Variants in ZNF761 observed in about 807,000 individuals in gnomAD.
ZNF761 encodes zinc finger protein 761.
In ZNF761, 43 loss-of-function variants were observed where a neutral mutation model predicts 59.9. The observed-to-expected ratio is 0.72, with a 90% CI of 0.56 to 0.92. ZNF761 has a LOEUF of 0.92. ZNF761 is among the 40% of genes least tolerant of loss of function. The pLI, the probability that ZNF761 is intolerant of heterozygous loss-of-function variation, is 0.00. For missense variants in ZNF761, 850 were observed against 906.1 expected (o/e 0.94, Z 0.79); for synonymous variants, 294 against 304.8 (o/e 0.96, Z 0.37).
At chr19:53,432,688 G>C (rs994842670) in intron 1 of ZNF761, among the ~76,000 whole-genome samples, 2 of 152,146 alleles carry the variant, frequency 1.3e-5, no homozygotes, top group Non-Finnish European at 2.9e-5. Context: ...GACGGACAGA[G>C]AGCAGTGGAA....
rs2086259002 is a variant in ZNF761, at chr19:53,455,465, C to T, written c.958C>T (p.His320Tyr). The T allele has an allele frequency of 1.9e-6, 3 of 1,613,396 alleles. No homozygotes were observed. The highest frequency in any genetic ancestry group is 2.5e-6 in the Non-Finnish European group (3 of 1,179,974). Residue 320 changes from histidine (H) to tyrosine (Y), a missense_variant, in exon 5 of 5, where the codon CAT (histidine) becomes TAT (tyrosine). Transcript: ENST00000684525. ...KSILERHRII[H>Y]TEEKPYKCNE... The stretch of plus-strand genomic sequence containing the variant: ...AATACTTGAAAGACATAGGATAATT[C>T]ATACTGAAGAGAAACCATATAAGTG...
intron 3 of ZNF761, among the ~76,000 whole-genome samples, 163 bp from the exon 4 acceptor site, chr19:53,449,349 A>G (rs2086194484): frequency 6.6e-6 from 1 of 152,144 alleles, no homozygotes; most frequent in Non-Finnish European, 1.5e-5. Context: ...AAATTTTAGT[A>G]AAACACAACT....
intron 1 of ZNF761, among the ~76,000 whole-genome samples, chr19:53,438,795 G>A (rs2086068783): frequency 6.6e-6 from 1 of 152,108 alleles, no homozygotes; most frequent in Non-Finnish European, 1.5e-5. Context: ...TGGAAAATTT[G>A]GGCTTTCTTT....
chr19:53,432,995 G>C (rs865814857), intron 1 of ZNF761, among the ~76,000 whole-genome samples: 69 of 150,830 alleles, frequency 4.6e-4, no homozygotes, highest in South Asian at 1.7e-3. Flanking sequence ...AGAGGGAGAA[G>C]CACAGCAGGG....
intron 4 of ZNF761, among the ~76,000 whole-genome samples, chr19:53,453,285 G>T (rs531798579): frequency 2.0e-4 from 30 of 152,192 alleles, no homozygotes; most frequent in Middle Eastern, 3.4e-3. Context: ...TACAGACCGT[G>T]CCCGGCTGTT....
intron 1 of ZNF761, among the ~76,000 whole-genome samples, chr19:53,436,174 C>G (rs2086040035): frequency 6.6e-6 from 1 of 152,146 alleles, no homozygotes; most frequent in Admixed American, 6.5e-5. Context: ...GGCATGATTC[C>G]TGCAAATTTA....
At position 53,454,642 on chromosome 19, in the gene ZNF761, T is replaced by A. The variant is rs752478792; in HGVS notation, c.143-8T>A. 6.3e-7 allele frequency: 1 copy of A among 1,576,542 alleles called. No homozygotes were observed. The highest frequency in any genetic ancestry group is 8.6e-7 in the Non-Finnish European group (1 of 1,161,788). ...AATTTGAAAGCTTTCGGTGTTTATG[T>A]TTTGTAGATATCTCTTCCAAATGCA... On this transcript the variant is annotated splice_region_variant and splice_polypyrimidine_tract_variant and intron_variant, in intron 4 of 4. Transcript: ENST00000684525.
intron 1 of ZNF761, among the ~76,000 whole-genome samples, chr19:53,438,657 T>C (rs747075647): frequency 6.6e-6 from 1 of 152,206 alleles, no homozygotes; most frequent in Non-Finnish European, 1.5e-5. Context: ...AGAATGTTGC[T>C]GCGTCTAAAA....
intron 1 of ZNF761, among the ~76,000 whole-genome samples, chr19:53,436,068 T>G (rs1371889018): frequency 1.3e-5 from 2 of 152,114 alleles, no homozygotes; most frequent in Non-Finnish European, 2.9e-5. Context: ...AGCAGCTTGG[T>G]CTCATCTCAG....
intron 1 of ZNF761, among the ~76,000 whole-genome samples, chr19:53,441,529 C>T (rs2086100528): frequency 2.0e-5 from 3 of 151,422 alleles, no homozygotes; most frequent in Admixed American, 6.6e-5. Context: ...TCACTGCAAC[C>T]TCTGCCTCCT....
chr19:53,455,320 G>T lies in ZNF761; in HGVS notation c.813G>T (p.Lys271Asn). Residue 271 changes from lysine (K) to asparagine (N), a missense_variant, in exon 5 of 5, where the codon AAG becomes AAT. Coordinates refer to ENST00000684525, the MANE Select transcript of ZNF761 (RefSeq NM_001289951.2). ...GTCACACTGGTGAGAATCCTTACAAGTGTAATGAGTGTGGCAAGACCTTCA... is the reference window on the plus strand; with the variant it reads ...GTCACACTGGTGAGAATCCTTACAATTGTAATGAGTGTGGCAAGACCTTCA... The part of the protein sequence containing the change: ...RRCHTGENPY[K>N]CNECGKTFSQ... 6.2e-7 allele frequency: 1 copy of T among 1,614,170 alleles called. No individual in the cohort carries two copies. The highest frequency in any genetic ancestry group is 8.5e-7 in the Non-Finnish European group (1 of 1,180,030).
intron 2 of ZNF761, 154 bp from the exon 3 acceptor site, chr19:53,447,042 G>A (rs775909814): frequency 3.1e-5 from 14 of 450,760 alleles, no homozygotes; most frequent in Non-Finnish European, 5.2e-5. Context: ...GGAAAGAAGT[G>A]CGAGTTTTCC....
chr19:53,456,208 C>G lies in ZNF761; in HGVS notation c.1701C>G (p.Arg567=). ...KTFNQQLTLK[R]HRRLHSGENP... The stretch of plus-strand genomic sequence containing the variant: ...TCAATCAGCAGTTAACCCTTAAACG[C>G]CATCGTAGACTTCATAGTGGAGAGA... Residue 567 remains arginine (R), a synonymous_variant, in exon 5 of 5, where the codon CGC becomes CGG. Transcript: ENST00000684525. The G allele has an allele frequency of 6.2e-7, 1 of 1,613,518 alleles. No individual in the cohort carries two copies. Among genetic ancestry groups the G allele is most frequent in the Non-Finnish European group, 8.5e-7 (1 of 1,179,918 alleles).
At chr19:53,448,986 C>A (rs2086189851) in intron 3 of ZNF761, among the ~76,000 whole-genome samples, 1 of 152,108 alleles carries the variant, frequency 6.6e-6, no homozygotes, top group Non-Finnish European at 1.5e-5. Context: ...TCTCTGAAGA[C>A]ATCACCCGTA....
intron 1 of ZNF761, among the ~76,000 whole-genome samples, chr19:53,441,055 G>C (rs1639101632): frequency 6.6e-6 from 1 of 152,204 alleles, no homozygotes; most frequent in Non-Finnish European, 1.5e-5. Flanking sequence ...ACAGAGGCGA[G>C]TGGGTCACCT....
At position 53,456,074 on chromosome 19, in the gene ZNF761, A is replaced by G; in HGVS notation, c.1567A>G (p.Lys523Glu). ...ACTTCATACTGGAGAGAAAGCTTAC[A>G]AGTGTAATGAGTGCGGCAAGACCTT... is the stretch of plus-strand genomic sequence containing the variant. Reference protein sequence around the residue: ...HRLHTGEKAYKCNECGKTFSW... With the variant: ...HRLHTGEKAYECNECGKTFSW... Residue 523 changes from lysine to glutamate, a missense_variant, in exon 5 of 5, where the codon AAG becomes GAG. By Grantham distance (56) the Lys-to-Glu change is moderately conservative. Transcript: ENST00000684525. 6.3e-7 allele frequency: 1 copy of G among 1,599,640 alleles called. No individual in the cohort carries two copies. The highest frequency in any genetic ancestry group is 8.5e-7 in the Non-Finnish European group (1 of 1,169,596).
chr19:53,441,759 T>A, intron 1 of ZNF761: 2 of 823,574 alleles, frequency 2.4e-6, no homozygotes, highest in Non-Finnish European at 4.0e-6. Context: ...AGATAAATCT[T>A]AGTTTTCAAA....
chr19:53,453,768 C>G (rs540431145), intron 4 of ZNF761, among the ~76,000 whole-genome samples: 1 of 152,150 alleles, frequency 6.6e-6, no homozygotes, highest in Admixed American at 6.5e-5. Context: ...CCCAGGTACT[C>G]AGGAGGCTGA....
In ZNF761 at chr19:53,455,455, T is replaced by C. The variant is rs770999964; in HGVS notation, c.948T>C (p.His316=). The C allele has an allele frequency of 9.9e-6, 16 of 1,613,166 alleles. No homozygotes were observed. Among genetic ancestry groups the C allele is most frequent in the South Asian group, 4.4e-5 (4 of 91,042 alleles). Residue 316 remains histidine (H), a synonymous_variant, in exon 5 of 5, where the codon CAT becomes CAC. Transcript: ENST00000684525. ...ATTTCAAATCAATACTTGAAAGACA[T>C]AGGATAATTCATACTGAAGAGAAAC... ...AFHFKSILER[H]RIIHTEEKPY... is the part of the protein sequence containing the mutation.
Sources: gnomAD v4.1 joint callset for allele counts (sites outside exome capture counted in the v4.1 genomes callset) on GRCh38, gnomAD v4.1.1 for gene constraint, MANE v1.5 for transcripts, NCBI Gene and HGNC (gene_info 2026-07-23, HGNC 2026-07-21) for gene names.